Variants in NRF1 observed in about 807,000 individuals in gnomAD.
NRF1 encodes nuclear respiratory factor 1.
NRF1 carries 5 observed loss-of-function variants against 58.5 expected under a neutral mutation model. The ratio of observed to expected loss-of-function variants is 0.09; its 90% CI spans 0.04 to 0.18. The LOEUF is 0.18. Ranked by LOEUF, NRF1 falls within the 10% of genes least tolerant of loss-of-function variation. The probability of loss-of-function intolerance (pLI) is 1.00; values close to 1 mark genes in which losing one functional copy is unlikely to be tolerated. For synonymous variants in NRF1, 224 were observed against 246.7 expected (o/e 0.91, Z 0.86); for missense variants, 288 against 657.7 (o/e 0.44, Z 6.15).
At chr7:129,617,817 G>T (rs1401201623) in intron 1 of NRF1, among the ~76,000 whole-genome samples, 1 of 152,188 alleles carries the variant, frequency 6.6e-6, no homozygotes, top group Admixed American at 6.5e-5. Flanking sequence ...TTGGAAGGGG[G>T]AGTAGCTGCA....
intron 1 of NRF1, among the ~76,000 whole-genome samples, chr7:129,621,192 T>A (rs943096069): frequency 6.6e-6 from 1 of 152,240 alleles, no homozygotes; most frequent in African/African-American, 2.4e-5. Context: ...TTTTGTCAGC[T>A]AGGCCCTAGT....
intron 10 of NRF1, among the ~76,000 whole-genome samples, chr7:129,744,811 T>C (rs1169002849): frequency 6.6e-6 from 1 of 152,138 alleles, no homozygotes; most frequent in African/African-American, 2.4e-5. Flanking sequence ...GTTTTTTTCC[T>C]AAATGGTGCT....
intron 10 of NRF1, among the ~76,000 whole-genome samples, chr7:129,748,390 A>G (rs1804033214): frequency 6.6e-6 from 1 of 152,078 alleles, no homozygotes; most frequent in South Asian, 2.1e-4. Context: ...GGCCAAATGA[A>G]TGGTGGCGGC....
chr7:129,613,962 T>C (rs2151051570), intron 1 of NRF1, among the ~76,000 whole-genome samples: 1 of 152,202 alleles, frequency 6.6e-6, no homozygotes, highest in Non-Finnish European at 1.5e-5. Context: ...TTTTGGCCCA[T>C]CCTTATTTGA....
chr7:129,676,046 T>C (rs1191596652), intron 3 of NRF1, among the ~76,000 whole-genome samples: 1 of 152,224 alleles, frequency 6.6e-6, no homozygotes, highest in African/African-American at 2.4e-5. Context: ...ACTTTGTACT[T>C]TTATGTAATG....
At chr7:129,730,253 G>A (rs1803549264) in intron 10 of NRF1, among the ~76,000 whole-genome samples, 1 of 151,564 alleles carries the variant, frequency 6.6e-6, no homozygotes, top group Admixed American at 6.6e-5. Flanking sequence ...TCAAACTCTC[G>A]GGCTCGAGCG....
At chr7:129,667,148 C>T (rs1801941387) in intron 2 of NRF1, among the ~76,000 whole-genome samples, 1 of 152,320 alleles carries the variant, frequency 6.6e-6, no homozygotes, top group Admixed American at 6.5e-5. Flanking sequence ...CCATTTTCAA[C>T]TTTACTAGAT....
chr7:129,687,350 A>G (rs1802465215), intron 4 of NRF1, among the ~76,000 whole-genome samples: 1 of 148,392 alleles, frequency 6.7e-6, no homozygotes, highest in African/African-American at 2.5e-5. Flanking sequence ...ATCTCAGCTC[A>G]CTGCAACCTC....
At chr7:129,626,838 G>A (rs1800930247) in intron 1 of NRF1, among the ~76,000 whole-genome samples, 1 of 152,220 alleles carries the variant, frequency 6.6e-6, no homozygotes, top group African/African-American at 2.4e-5. Context: ...GCTTGCTTTT[G>A]ATGCTTCTGT....
At position 129,675,431 on chromosome 7, in the gene NRF1, T is replaced by G. The variant is rs918686266; in HGVS notation, c.339-2201T>G. Among the ~76,000 whole-genome samples, 114 of 152,168 alleles carry G rather than the reference T, an allele frequency of 7.5e-4. 9 individuals carry two copies. The highest frequency in any genetic ancestry group is 1.5e-5 in the Non-Finnish European group (1 of 68,034). ...TGAATGGTGAATCCGTTCTAGAAGG[T>G]TTTCAATTTATTTTACCCAGATCCA... On this transcript the variant is annotated intron_variant, in intron 3 of 10. Coordinates refer to ENST00000393232, the MANE Select transcript of NRF1 (RefSeq NM_005011.5).
At chr7:129,666,508 C>A (rs1801926112) in intron 2 of NRF1, among the ~76,000 whole-genome samples, 1 of 152,020 alleles carries the variant, frequency 6.6e-6, no homozygotes, top group Non-Finnish European at 1.5e-5. Context: ...ATATGGTATT[C>A]CATTCATTAT....
chr7:129,722,355 C>T (rs1283915283), intron 9 of NRF1, among the ~76,000 whole-genome samples: 1 of 151,464 alleles, frequency 6.6e-6, no homozygotes, highest in African/African-American at 2.4e-5. Context: ...CACACCAGTG[C>T]ACTCCAGCCT....
At chr7:129,745,508 C>CA (rs1370710981) in intron 10 of NRF1, among the ~76,000 whole-genome samples, 3 of 99,044 alleles carry the variant, frequency 3.0e-5, no homozygotes, top group Non-Finnish European at 6.4e-5. Flanking sequence ...CCCCCTCAAC[C>CA]CCCCCCCCAT....
At chr7:129,728,139 A>T (rs1019654270) in intron 10 of NRF1, among the ~76,000 whole-genome samples, 1 of 152,184 alleles carries the variant, frequency 6.6e-6, no homozygotes, top group Non-Finnish European at 1.5e-5. Context: ...GTGAGACCCT[A>T]TGTGATTGTT....
chr7:129,745,532 G>A (rs1803957427), intron 10 of NRF1, among the ~76,000 whole-genome samples: 1 of 112,376 alleles, frequency 8.9e-6, no homozygotes, highest in Non-Finnish European at 1.6e-5. Context: ...TGGAAATACT[G>A]TCTTCCATGA....
At chr7:129,694,478 C>T (rs768003077) in intron 5 of NRF1, among the ~76,000 whole-genome samples, 2 of 152,176 alleles carry the variant, frequency 1.3e-5, no homozygotes, top group Non-Finnish European at 2.9e-5. Flanking sequence ...AATTCTCCCA[C>T]CTCAGCCTCC....
At chr7:129,710,231 C>T in intron 6 of NRF1, 143 bp from the exon 7 acceptor site, 1 of 677,792 alleles carries the variant, frequency 1.5e-6, no homozygotes, top group Admixed American at 2.5e-5. Flanking sequence ...CAGAACCAGT[C>T]TGTGGGAGGT....
chr7:129,649,533 A>G (rs1027873680), intron 1 of NRF1, among the ~76,000 whole-genome samples: 5 of 152,196 alleles, frequency 3.3e-5, no homozygotes, highest in Non-Finnish European at 7.3e-5. Flanking sequence ...GGATTAGACT[A>G]AATTTAACTC....
chr7:129,660,177 C>T (rs1801748138), intron 2 of NRF1, among the ~76,000 whole-genome samples: 1 of 152,080 alleles, frequency 6.6e-6, no homozygotes, highest in Non-Finnish European at 1.5e-5. Context: ...AGATCTGCCC[C>T]CATGATTCAA....
Sources: gnomAD v4.1 joint callset for allele counts (sites outside exome capture counted in the v4.1 genomes callset) on GRCh38, gnomAD v4.1.1 for gene constraint, MANE v1.5 for transcripts, NCBI Gene and HGNC (gene_info 2026-07-23, HGNC 2026-07-21) for gene names.